PIK3C2A: variants seen among roughly 807,000 people sequenced by gnomAD.
PIK3C2A encodes phosphatidylinositol-4-phosphate 3-kinase catalytic subunit type 2 alpha.
A neutral mutation model predicts 204.5 loss-of-function variants in PIK3C2A; 97 were observed. The observed-to-expected ratio is 0.47, with a 90% CI of 0.40 to 0.56. The LOEUF (loss-of-function observed/expected upper bound fraction) is 0.56, where lower values mean the gene tolerates loss of function less well. Among genes scored for constraint, PIK3C2A ranks in the 20% least tolerant of loss-of-function variants. PIK3C2A has a pLI of 0.00. For synonymous variants in PIK3C2A, 653 were observed against 664.4 expected (o/e 0.98, Z 0.26); for missense variants, 1,735 against 1,969.2 (o/e 0.88, Z 2.25).
chr11:17,155,871 A>C (rs1023695372), intron 2 of PIK3C2A, among the ~76,000 whole-genome samples: 1 of 152,228 alleles, frequency 6.6e-6, no homozygotes, highest in Non-Finnish European at 1.5e-5. Flanking sequence ...CCGGTCAGTA[A>C]GAATGGAATG....
chr11:17,125,571 T>C (rs1237500783), intron 13 of PIK3C2A, among the ~76,000 whole-genome samples: 2 of 152,062 alleles, frequency 1.3e-5, no homozygotes, highest in Non-Finnish European at 2.9e-5. Context: ...TGGAGTGTAG[T>C]GGTGCAATTT....
intron 22 of PIK3C2A, among the ~76,000 whole-genome samples, chr11:17,107,409 A>C (rs1341429484): frequency 6.6e-6 from 1 of 152,260 alleles, no homozygotes; most frequent in Non-Finnish European, 1.5e-5. Flanking sequence ...CTTTGATAGA[A>C]AGATCTCAAA....
chr11:17,170,543 C>T (rs1247247307), intron 1 of PIK3C2A, among the ~76,000 whole-genome samples: 1 of 152,136 alleles, frequency 6.6e-6, no homozygotes, highest in East Asian at 1.9e-4. Context: ...ACCAAAATTT[C>T]TCCTTTTCAA....
intron 3 of PIK3C2A, among the ~76,000 whole-genome samples, chr11:17,150,887 T>C (rs1850404545): frequency 6.6e-6 from 1 of 152,194 alleles, no homozygotes; most frequent in Non-Finnish European, 1.5e-5. Flanking sequence ...AGGATATCTT[T>C]GGTAACATTA....
At chr11:17,092,416 A>G (rs898351439) in intron 28 of PIK3C2A, 140 bp from the exon 29 acceptor site, 8 of 611,904 alleles carry the variant, frequency 1.3e-5, no homozygotes, top group African/African-American at 5.6e-5. Context: ...ACGGTGGCTC[A>G]TGGCCTTTGG....
chr11:17,157,867 T>C (rs935587066), intron 2 of PIK3C2A, among the ~76,000 whole-genome samples: 1 of 152,314 alleles, frequency 6.6e-6, no homozygotes, highest in Admixed American at 6.5e-5. Flanking sequence ...TAGCAAATCC[T>C]CTGGTTTCAC....
rs1196003830 is a variant in PIK3C2A at position 17,136,614 on chromosome 11, T to C, written c.1716A>G (p.Arg572=). The C allele has an allele frequency of 1.3e-6, 2 of 1,570,202 alleles. No individual in the cohort carries two copies. The highest frequency in any genetic ancestry group is 1.7e-6 in the Non-Finnish European group (2 of 1,152,726). The change falls in exon 9 of 33, where the codon CGA becomes CGG. Residue 572 remains arginine, a synonymous_variant. Transcript: ENST00000691414. ...ELALQIENQH[R]AVDQVIKAVR... ...CAGCTTTAATTACTTGATCTACTGC[T>C]CGGTGTTGGTTCTTTAAAAATAAAA...
chr11:17,201,767 A>G (rs1416706835), intron 1 of PIK3C2A, among the ~76,000 whole-genome samples: 3 of 152,108 alleles, frequency 2.0e-5, no homozygotes, highest in Non-Finnish European at 4.4e-5. Context: ...TATCCCTTAC[A>G]TCTTTTCTTT....
chr11:17,102,509 T>C (rs1471861540), intron 24 of PIK3C2A, among the ~76,000 whole-genome samples, 153 bp downstream of exon 24: 1 of 152,218 alleles, frequency 6.6e-6, no homozygotes, highest in African/African-American at 2.4e-5. Context: ...CACACATTCT[T>C]GTCTACTATG....
chr11:17,155,421 A>G lies in PIK3C2A; in HGVS notation c.1169+105T>C, dbSNP rs574570769. The G allele has an allele frequency of 1.4e-4, 81 of 598,958 alleles. 1 individual carries two copies. The South Asian group carries it at 2.0e-3, about 15-fold the overall frequency. The allele number at this position is 598,958 out of a possible 1,614,324, so 37.1% of individuals were successfully genotyped here. A position where few individuals can be genotyped will look rare whatever the true frequency, so the allele number is the denominator to read the frequency against. On this transcript the variant is annotated intron_variant, in intron 3 of 32. Transcript: ENST00000691414. The stretch of plus-strand genomic sequence containing the variant: ...AACTCTTTGACTTGAAATGTTAGCC[A>G]CAAGAAGAAAATAATTAAAATTTTT...
At position 17,168,943 on chromosome 11, in the gene PIK3C2A, T is replaced by C; in HGVS notation, c.799A>G (p.Lys267Glu). Residue 267 changes from lysine to glutamate, a missense_variant, in exon 2 of 33, where the codon AAA (lysine) becomes GAA (glutamate). Lys to Glu is a moderately conservative substitution (Grantham distance 56, BLOSUM62 1). Around this residue, in one of 6 missense-constraint regions of PIK3C2A, gnomAD observed 536 missense variants for 546.7 expected, o/e 0.98. Transcript: ENST00000691414. ...GGATCCAAGTCTAACCAGTCAAATT[T>C]ACTGATATCCTCAGACTTTGGAGAT... The part of the protein sequence containing the change: ...QVSPKSEDIS[K>E]FDWLDLDPLS... 6.2e-7 allele frequency: 1 copy of C among 1,614,158 alleles called. No homozygotes were observed. The highest frequency in any genetic ancestry group is 8.5e-7 in the Non-Finnish European group (1 of 1,180,010).
chr11:17,167,534 T>C (rs1325042007), intron 2 of PIK3C2A, among the ~76,000 whole-genome samples: 1 of 152,162 alleles, frequency 6.6e-6, no homozygotes, highest in African/African-American at 2.4e-5. Context: ...GGCAGGAGAA[T>C]CGCTTGAACC....
At chr11:17,133,884 C>A (rs966038714) in intron 11 of PIK3C2A, among the ~76,000 whole-genome samples, 1 of 151,862 alleles carries the variant, frequency 6.6e-6, no homozygotes, top group African/African-American at 2.4e-5. Flanking sequence ...GCCGAGATCA[C>A]GCCACTGCAC....
intron 21 of PIK3C2A, among the ~76,000 whole-genome samples, chr11:17,111,529 C>T (rs11024160): frequency 6.6e-6 from 1 of 152,040 alleles, no homozygotes; most frequent in Non-Finnish European, 1.5e-5. Flanking sequence ...GGAATACATT[C>T]TGAGACTAGC....
intron 1 of PIK3C2A, among the ~76,000 whole-genome samples, chr11:17,186,726 A>T (rs192393040): frequency 6.6e-6 from 1 of 152,214 alleles, no homozygotes; most frequent in Non-Finnish European, 1.5e-5. Flanking sequence ...ACCAAAACAC[A>T]TTCCTATTTT....
intron 3 of PIK3C2A, among the ~76,000 whole-genome samples, chr11:17,152,434 G>T (rs1373049928): frequency 1.3e-5 from 2 of 151,900 alleles, no homozygotes; most frequent in African/African-American, 4.8e-5. Context: ...TTTTTGTGGG[G>T]TTTTTTTGTA....
At chr11:17,129,093 C>T (rs1035742101) in intron 13 of PIK3C2A, among the ~76,000 whole-genome samples, 1 of 152,150 alleles carries the variant, frequency 6.6e-6, no homozygotes, top group Admixed American at 6.6e-5. Flanking sequence ...GCTGTGCATA[C>T]CTATTCAGAT....
At chr11:17,205,302 C>T (rs1048457992) in intron 1 of PIK3C2A, among the ~76,000 whole-genome samples, 4 of 151,590 alleles carry the variant, frequency 2.6e-5, no homozygotes, top group African/African-American at 4.8e-5. Context: ...GGTGAAACCC[C>T]GTCTCTACTA....
intron 1 of PIK3C2A, 107 bp from the exon 2 acceptor site, chr11:17,169,913 A>G: frequency 1.1e-5 from 6 of 566,430 alleles, no homozygotes; most frequent in Non-Finnish European, 1.5e-5. Flanking sequence ...TTAGAAAAAT[A>G]TACTACAAAA....
Sources: allele counts gnomAD v4.1 joint callset (sites outside exome capture counted in the v4.1 genomes callset), GRCh38; gene constraint gnomAD v4.1.1; regional missense constraint gnomAD v4.1.1; transcripts MANE v1.5; gene names NCBI Gene and HGNC (gene_info 2026-07-23, HGNC 2026-07-21).